SLC38A6: variants seen among roughly 807,000 people sequenced by gnomAD.
SLC38A6 encodes solute carrier family 38 member 6, also known as N system amino acid transporter NAT-1.
A neutral mutation model predicts 65.0 loss-of-function variants in SLC38A6; 73 were observed. That is an observed-to-expected ratio of 1.12 (90% confidence interval 0.93 to 1.37). The LOEUF (loss-of-function observed/expected upper bound fraction) is 1.37, where lower values mean the gene tolerates loss of function less well. Ranked by LOEUF, SLC38A6 falls within the 40% of genes most tolerant of loss-of-function variation. The pLI is 0.00. For synonymous variants in SLC38A6, 183 were observed against 178.8 expected, an observed-to-expected ratio of 1.02 and a Z score of -0.19; for missense variants, 561 against 531.1, an observed-to-expected ratio of 1.06 and a Z score of -0.55.
At chr14:61,083,545 G>A in intron 16 of SLC38A6, 1 of 1,548,390 alleles carries the variant, frequency 6.5e-7, no homozygotes, top group Non-Finnish European at 8.7e-7. Context: ...TGGTGTTCTT[G>A]TAAGAAAAGG....
intron 3 of SLC38A6, among the ~76,000 whole-genome samples, chr14:61,014,275 A>T (rs1032490977): frequency 6.6e-6 from 1 of 151,978 alleles, no homozygotes; most frequent in South Asian, 2.1e-4. Context: ...TATTCTAGTT[A>T]GCCATTCGTC....
rs373572263 is a variant in SLC38A6 at position 61,063,229 on chromosome 14, G to A, written c.1290+11094G>A. 4.6e-5 allele frequency among the ~76,000 whole-genome samples: 7 copies of A among 152,022 alleles called. 1 individual carries two copies. The highest frequency in any genetic ancestry group is 1.7e-4 in the African/African-American group (7 of 41,460). ...AACAAAACTGAGATTGTTCTACTTG[G>A]TAGAATTTAGAGGGATTTTGCCCTC... is the stretch of plus-strand genomic sequence containing the variant. On this transcript the variant is annotated intron_variant, in intron 15 of 16. Coordinates refer to the SLC38A6 transcript ENST00000354886.
intron 3 of SLC38A6, among the ~76,000 whole-genome samples, chr14:61,002,657 G>T (rs768828657): frequency 3.9e-5 from 6 of 152,066 alleles, no homozygotes; most frequent in African/African-American, 1.4e-4. Context: ...TCTTGCTCTC[G>T]CCAAAATATT....
At chr14:61,019,807 T>C (rs2139578338) in intron 5 of SLC38A6, among the ~76,000 whole-genome samples, 1 of 152,202 alleles carries the variant, frequency 6.6e-6, no homozygotes, top group South Asian at 2.1e-4. Flanking sequence ...AGTCGTGTTA[T>C]TAGGTCTGCA....
chr14:61,079,551 CCTGA>C (rs1276359950), intron 16 of SLC38A6, among the ~76,000 whole-genome samples: 1 of 152,196 alleles, frequency 6.6e-6, no homozygotes, highest in Non-Finnish European at 1.5e-5. Flanking sequence ...GAAGGACTTA[CCTGA>C]CTATGACTTA....
At chr14:60,992,144 A>G (rs1594973449) in intron 3 of SLC38A6, among the ~76,000 whole-genome samples, 2 of 152,348 alleles carry the variant, frequency 1.3e-5, no homozygotes, top group South Asian at 4.1e-4. Flanking sequence ...GAATAACATT[A>G]TAAACTTTTA....
intron 3 of SLC38A6, among the ~76,000 whole-genome samples, chr14:61,014,656 C>T (rs2139523489): frequency 6.6e-6 from 1 of 152,328 alleles, no homozygotes; most frequent in East Asian, 1.9e-4. Flanking sequence ...CCACTCCAGA[C>T]CCTTTTTGTC....
At chr14:61,018,175 T>C (rs1227006740) in intron 4 of SLC38A6, among the ~76,000 whole-genome samples, 1 of 152,220 alleles carries the variant, frequency 6.6e-6, no homozygotes, top group South Asian at 2.1e-4. Flanking sequence ...TAAGTTAATA[T>C]TACTGTTTTT....
In SLC38A6 at chr14:61,077,917, C is replaced by T. The variant is rs191044184; in HGVS notation, c.1291-893C>T. 1.3e-3 allele frequency among the ~76,000 whole-genome samples: 192 copies of T among 152,322 alleles called. 1 individual carries two copies. The highest frequency in any genetic ancestry group is 2.2e-3 in the Non-Finnish European group (152 of 68,026). ...AGAGCCCTACTGTAGCAATCTAGAA[C>T]TTTATTCTGGCGAGAGCAAATTCTC... is the stretch of plus-strand genomic sequence containing the variant. On this transcript the variant is annotated intron_variant, in intron 15 of 16. Transcript: ENST00000354886.
At chr14:60,985,106 T>TA (rs1369287933) in intron 3 of SLC38A6, among the ~76,000 whole-genome samples, 1 of 152,292 alleles carries the variant, frequency 6.6e-6, no homozygotes, top group South Asian at 2.1e-4. Context: ...ATCCAAACCT[T>TA]ATGCTTATGG....
chr14:61,006,355 T>G (rs376652871), intron 3 of SLC38A6, among the ~76,000 whole-genome samples: 18 of 152,204 alleles, frequency 1.2e-4, no homozygotes, highest in Admixed American at 5.9e-4. Flanking sequence ...AAGAGCTTCT[T>G]CACAGCAAAA....
At chr14:61,015,578 G>A (rs189603094) in intron 3 of SLC38A6, among the ~76,000 whole-genome samples, 12 of 152,218 alleles carry the variant, frequency 7.9e-5, no homozygotes, top group African/African-American at 2.2e-4. Flanking sequence ...AGTAAAAACC[G>A]TCACTACTGA....
At chr14:61,051,552 G>A (rs2042507687) in intron 13 of SLC38A6, among the ~76,000 whole-genome samples, 2 of 152,020 alleles carry the variant, frequency 1.3e-5, no homozygotes, top group Admixed American at 1.3e-4. Flanking sequence ...AAAATTGCAT[G>A]TGAAAACTTT....
chr14:61,014,745 G>T (rs2039863286), intron 3 of SLC38A6, among the ~76,000 whole-genome samples: 1 of 152,188 alleles, frequency 6.6e-6, no homozygotes, highest in Non-Finnish European at 1.5e-5. Context: ...TCCTCTGGAA[G>T]TTTTGTCTCA....
chr14:61,069,197 T>A (rs961854437), intron 15 of SLC38A6, among the ~76,000 whole-genome samples: 1 of 152,200 alleles, frequency 6.6e-6, no homozygotes, highest in Non-Finnish European at 1.5e-5. Context: ...TGGATTGCCA[T>A]ATCTACCTGC....
intron 3 of SLC38A6, among the ~76,000 whole-genome samples, chr14:61,012,703 T>TCCTGAG (rs1357393378): frequency 5.8e-4 from 89 of 152,322 alleles, no homozygotes; most frequent in East Asian, 5.4e-3. Context: ...GTTGAGTTAG[T>TCCTGAG]TTCTTAATCC....
intron 15 of SLC38A6, among the ~76,000 whole-genome samples, chr14:61,071,917 C>T (rs1264635096): frequency 6.6e-6 from 1 of 152,120 alleles, no homozygotes; most frequent in African/African-American, 2.4e-5. Flanking sequence ...GGGAGTTTTC[C>T]CATGAGTGGC....
chr14:61,004,946 C>T (rs1360611423), intron 3 of SLC38A6, among the ~76,000 whole-genome samples: 1 of 152,076 alleles, frequency 6.6e-6, no homozygotes, highest in African/African-American at 2.4e-5. Context: ...CAATAAAATA[C>T]TGGCAAACTG....
chr14:61,009,369 T>C (rs1044989672), intron 3 of SLC38A6, among the ~76,000 whole-genome samples: 30 of 152,074 alleles, frequency 2.0e-4, no homozygotes, highest in South Asian at 1.0e-3. Flanking sequence ...AACTTTTGCT[T>C]AGGAAAAAGG....
Sources: allele counts gnomAD v4.1 joint callset (sites outside exome capture counted in the v4.1 genomes callset), GRCh38; gene constraint gnomAD v4.1.1; transcripts MANE v1.5; gene names NCBI Gene and HGNC (gene_info 2026-07-23, HGNC 2026-07-21).